VGLL3: variants seen among roughly 807,000 people sequenced by gnomAD.
VGLL3 encodes the protein vestigial like family member 3.
In VGLL3, 18 loss-of-function variants were observed where a neutral mutation model predicts 29.2. The observed-to-expected ratio is 0.62, with a 90% confidence interval of 0.43 to 0.91. The LOEUF is 0.91. VGLL3 is among the 40% of genes least tolerant of loss of function. VGLL3 has a pLI of 0.00. For missense variants in VGLL3, 440 were observed against 413.2 expected (o/e 1.06, Z -0.56); for synonymous variants, 180 against 151.8 (o/e 1.19, Z -1.36).
intron 3 of VGLL3, among the ~76,000 whole-genome samples, 158 bp from the exon 4 acceptor site, chr3:86,947,225 G>A (rs923260985): frequency 6.6e-6 from 1 of 152,154 alleles, no homozygotes; most frequent in African/African-American, 2.4e-5. Flanking sequence ...AGCAAATTCT[G>A]TGCTGGAGCT....
At chr3:86,957,499 A>C (rs572934472) in intron 3 of VGLL3, among the ~76,000 whole-genome samples, 124 of 152,316 alleles carry the variant, frequency 8.1e-4, no homozygotes, top group Middle Eastern at 3.4e-3. Context: ...CCGTCTAGAA[A>C]ACACAAGCTC....
chr3:86,964,302 T>G (rs376590245), intron 3 of VGLL3, among the ~76,000 whole-genome samples: 1 of 152,194 alleles, frequency 6.6e-6, no homozygotes, highest in South Asian at 2.1e-4. Context: ...GCATAAAATA[T>G]TTTTATCTGT....
intron 3 of VGLL3, among the ~76,000 whole-genome samples, chr3:86,947,336 G>T (rs556001300): frequency 6.6e-6 from 1 of 152,062 alleles, no homozygotes; most frequent in Non-Finnish European, 1.5e-5. Flanking sequence ...TTTTTTATTT[G>T]CTTGGAGTAT....
intron 3 of VGLL3, among the ~76,000 whole-genome samples, chr3:86,966,916 G>A (rs1704978090): frequency 6.8e-6 from 1 of 147,726 alleles, no homozygotes; most frequent in African/African-American, 2.5e-5. Context: ...TATCCAACTG[G>A]GTCCTCTCAA....
chr3:86,988,665 A>AAAAAAAAAAAAAAAAAAAAAAAAAAAAAT (rs1705506518), intron 1 of VGLL3, among the ~76,000 whole-genome samples: 1 of 123,822 alleles, frequency 8.1e-6, no homozygotes, highest in Non-Finnish European at 1.6e-5. Flanking sequence ...AAAAAAAAAA[A>AAAAAAAAAAAAAAAAAAAAAAAAAAAAAT]AAAAAAAAAA....
intron 3 of VGLL3, among the ~76,000 whole-genome samples, chr3:86,960,600 T>C (rs1483645523): frequency 6.6e-6 from 1 of 152,148 alleles, no homozygotes; most frequent in Non-Finnish European, 1.5e-5. Context: ...TTGCAAGTAA[T>C]TTGTGGACTA....
intron 3 of VGLL3, among the ~76,000 whole-genome samples, chr3:86,954,796 G>A (rs1488040046): frequency 6.6e-6 from 1 of 151,806 alleles, no homozygotes; most frequent in Non-Finnish European, 1.5e-5. Flanking sequence ...TTTGAAGCCG[G>A]AGACAAAGAA....
intron 3 of VGLL3, among the ~76,000 whole-genome samples, chr3:86,953,834 A>G (rs1370119557): frequency 6.6e-6 from 1 of 152,200 alleles, no homozygotes; most frequent in Non-Finnish European, 1.5e-5. Context: ...CCCATGTATT[A>G]CAAATACTTT....
chr3:86,990,971 C>G lies in VGLL3; in HGVS notation c.-228G>C, dbSNP rs1421329564. ...CGGGCACCTTCATCTTCAGCCCCTC[C>G]GGATGTTCCCTGCCGCGCTTATATA... On this transcript the variant is annotated 5_prime_UTR_variant, in exon 1 of 4. Coordinates refer to ENST00000398399, the MANE Select transcript of VGLL3 (RefSeq NM_016206.4). The G allele has an allele frequency of 4.8e-6, 5 of 1,033,442 alleles. No individual in the cohort carries two copies. The highest frequency in any genetic ancestry group is 5.8e-6 in the Non-Finnish European group (5 of 857,058). 64.0% of individuals were successfully genotyped at this position (1,033,442 alleles called of 1,614,324 possible).
chr3:86,961,684 C>T (rs1422807315), intron 3 of VGLL3, among the ~76,000 whole-genome samples: 1 of 152,092 alleles, frequency 6.6e-6, no homozygotes, highest in Non-Finnish European at 1.5e-5. Flanking sequence ...ATCCTGTGAC[C>T]CTCCCTTATT....
intron 1 of VGLL3, among the ~76,000 whole-genome samples, chr3:86,989,299 T>C (rs1212893603): frequency 6.6e-6 from 1 of 152,210 alleles, no homozygotes; most frequent in Non-Finnish European, 1.5e-5. Context: ...TTTGAAATGC[T>C]GGTGCTGCTG....
At chr3:86,958,028 G>A (rs1413748754) in intron 3 of VGLL3, among the ~76,000 whole-genome samples, 2 of 152,026 alleles carry the variant, frequency 1.3e-5, no homozygotes, top group Admixed American at 6.6e-5. Context: ...AGACAAATAT[G>A]CACACTTTTT....
Position 86,962,594 on chromosome 3 carries a change from A to G in VGLL3, c.937+5996T>C, listed in dbSNP as rs975072985. ...TAAATTTAAATATTTTAAAAATTGC[A>G]TATATATGCTCTTTGAAAAAAATTC... On this transcript the variant is annotated intron_variant, in intron 3 of 3. Transcript: ENST00000398399. 2.3e-5 allele frequency: 22 copies of G among 958,704 alleles called. No homozygotes were observed. The African/African-American group carries it at 2.6e-4, about 12-fold the overall frequency. 59.4% of individuals were successfully genotyped at this position (958,704 alleles called of 1,614,324 possible). A position where few individuals can be genotyped will look rare whatever the true frequency, so the allele number is the denominator to read the frequency against.
Position 86,941,459 on chromosome 3 carries a change from TTA to T in VGLL3, c.*5563_*5564del, listed in dbSNP as rs2033217182. The T allele has an allele frequency of 6.6e-6, 1 of 151,876 alleles. No individual in the cohort carries two copies. The allele number at this position is 151,876 out of a possible 1,614,324, so 9.4% of individuals were successfully genotyped here. ...AGTAGTCTAGAAATTGTTTTTTTTT[TTA>T]AAAAAACAAATTGATGATTACTTAT... On this transcript the variant is annotated 3_prime_UTR_variant, in exon 4 of 4. Coordinates refer to ENST00000398399, the MANE Select transcript of VGLL3 (RefSeq NM_016206.4).
At chr3:86,963,127 G>C (rs1384349842) in intron 3 of VGLL3, 1 of 164,916 alleles carries the variant, frequency 6.1e-6, no homozygotes, top group African/African-American at 2.4e-5. Flanking sequence ...TTGCACATGA[G>C]TGTTCATCAC....
rs1003300533 is a variant in VGLL3, at chr3:86,940,407, A to T, written c.*6617T>A. On this transcript the variant is annotated 3_prime_UTR_variant, in exon 4 of 4. Coordinates refer to ENST00000398399, the MANE Select transcript of VGLL3 (RefSeq NM_016206.4). ...TGCTGTTATGTAATTAATATACCCC[A>T]TTTCATTTTCTTTTCCATTATAAAC... The T allele has an allele frequency of 6.6e-6, 1 of 152,550 alleles. No homozygotes were observed. The highest frequency in any genetic ancestry group is 2.4e-5 in the African/African-American group (1 of 41,434). 9.4% of individuals were successfully genotyped at this position (152,550 alleles called of 1,614,324 possible). A position where few individuals can be genotyped will look rare whatever the true frequency, so the allele number is the denominator to read the frequency against.
intron 3 of VGLL3, among the ~76,000 whole-genome samples, chr3:86,950,560 T>C (rs898813192): frequency 2.0e-5 from 3 of 152,156 alleles, no homozygotes; most frequent in African/African-American, 7.2e-5. Flanking sequence ...CAAGGAAAAC[T>C]TAACAGATTA....
intron 3 of VGLL3, among the ~76,000 whole-genome samples, chr3:86,965,597 T>G (rs2107007555): frequency 6.6e-6 from 1 of 152,304 alleles, no homozygotes; most frequent in African/African-American, 2.4e-5. Context: ...CCCTCTCCCT[T>G]TAGGACCGAG....
intron 1 of VGLL3, among the ~76,000 whole-genome samples, chr3:86,982,254 C>T (rs1015457119): frequency 1.8e-4 from 27 of 152,258 alleles, no homozygotes; most frequent in African/African-American, 6.3e-4. Flanking sequence ...AAGTGATTCT[C>T]CTGCCTCAGC....
Sources: allele counts gnomAD v4.1 joint callset (sites outside exome capture counted in the v4.1 genomes callset), GRCh38; gene constraint gnomAD v4.1.1; transcripts MANE v1.5; gene names NCBI Gene and HGNC (gene_info 2026-07-23, HGNC 2026-07-21).